Variants in SLC1A2 observed in about 807,000 individuals in gnomAD.
SLC1A2 encodes solute carrier family 1 member 2.
SLC1A2 carries 15 observed loss-of-function variants against 48.8 expected under a neutral mutation model. The ratio of observed to expected loss-of-function variants is 0.31; its 90% CI spans 0.21 to 0.47. The LOEUF (loss-of-function observed/expected upper bound fraction) is 0.47, where lower values mean the gene tolerates loss of function less well. SLC1A2 is among the 20% of genes least tolerant of loss of function. SLC1A2 has a pLI of 0.99. For synonymous variants in SLC1A2, 279 were observed against 272.6 expected, an observed-to-expected ratio of 1.02 and a Z score of -0.23; for missense variants, 502 against 730.5, an observed-to-expected ratio of 0.69 and a Z score of 3.61.
Position 35,258,932 on chromosome 11 carries a change from AAGACT to A in SLC1A2, c.*1957_*1961del, listed in dbSNP as rs1950352096. 1 of 144,524 alleles carries A rather than the reference AAGACT, an allele frequency of 6.9e-6. No homozygotes were observed. 9.0% of individuals were successfully genotyped at this position (144,524 alleles called of 1,614,324 possible). ...TGTACTCCAGCCTGAGCAACAGAGC[AAGACT>A]CTGTCTAAAAAAAAAAAAAAAAAAA... is the stretch of plus-strand genomic sequence containing the variant. On this transcript the variant is annotated 3_prime_UTR_variant, in exon 11 of 11. Transcript: ENST00000278379.
At chr11:35,270,487 C>T (rs1265815180) in intron 9 of SLC1A2, among the ~76,000 whole-genome samples, 1 of 152,214 alleles carries the variant, frequency 6.6e-6, no homozygotes, top group Non-Finnish European at 1.5e-5. Flanking sequence ...ATTTATTCAA[C>T]AGATGTTTAA....
chr11:35,292,610 G>A (rs1003955236), intron 6 of SLC1A2, 90 bp from the exon 7 acceptor site: 6 of 702,954 alleles, frequency 8.5e-6, no homozygotes, highest in Middle Eastern at 2.5e-4. Context: ...TGAGGAAAAC[G>A]CTTGGCTCTT....
At chr11:35,407,013 T>C (rs1396834898) in intron 1 of SLC1A2, among the ~76,000 whole-genome samples, 1 of 151,376 alleles carries the variant, frequency 6.6e-6, no homozygotes, top group African/African-American at 2.4e-5. Context: ...AGAGCATAAA[T>C]GATGAAGGGT....
rs1464319597 is a variant in SLC1A2 at position 35,253,614 on chromosome 11, AC to A, written c.*7279del. The A allele has an allele frequency of 1.3e-5, 2 of 152,656 alleles. No individual in the cohort carries two copies. The highest frequency in any genetic ancestry group is 2.9e-5 in the Non-Finnish European group (2 of 68,042). 9.5% of individuals were successfully genotyped at this position (152,656 alleles called of 1,614,324 possible). A position where few individuals can be genotyped will look rare whatever the true frequency, so the allele number is the denominator to read the frequency against. On this transcript the variant is annotated 3_prime_UTR_variant, in exon 11 of 11. Coordinates refer to ENST00000278379, the MANE Select transcript of SLC1A2 (RefSeq NM_004171.4). ...ATGAATTATTTAGATGTATATCCTCACCAGCTAAGGGATTTAAGCAATTCCT... is the reference window on the plus strand; with the variant it reads ...ATGAATTATTTAGATGTATATCCTCACAGCTAAGGGATTTAAGCAATTCCT...
intron 10 of SLC1A2, 122 bp from the exon 11 acceptor site, chr11:35,261,087 T>C (rs1314402928): frequency 1.4e-6 from 1 of 732,674 alleles, no homozygotes; most frequent in Non-Finnish European, 2.4e-6. Context: ...TAGTTTTAAA[T>C]GGAGTTCTTT....
rs374504230 is a variant in SLC1A2 at position 35,286,892 on chromosome 11, C to T, written c.1151G>A (p.Arg384His). Reference protein sequence around the residue: ...CLEENLGIDKRVTRFVLPVGA... With the variant: ...CLEENLGIDKHVTRFVLPVGA... ...AACAGGAAGGACGAATCTAGTCACACGCTTATCAATCCCCAGATTTTCTTC... is the reference window on the plus strand; with the variant it reads ...AACAGGAAGGACGAATCTAGTCACATGCTTATCAATCCCCAGATTTTCTTC... The change falls in exon 8 of 11, where the codon CGT becomes CAT. Residue 384 changes from arginine (R) to histidine (H), a missense_variant. Transcript: ENST00000278379. 34 of 1,613,940 alleles carry T rather than the reference C, an allele frequency of 2.1e-5. No homozygotes were observed. The highest frequency in any genetic ancestry group is 1.6e-4 in the Middle Eastern group (1 of 6,082).
At chr11:35,408,570 A>C (rs1855369747) in intron 1 of SLC1A2, among the ~76,000 whole-genome samples, 1 of 152,176 alleles carries the variant, frequency 6.6e-6, no homozygotes, top group Non-Finnish European at 1.5e-5. Context: ...GCCATGTGGA[A>C]CTGTAAGTCC....
chr11:35,418,713 AC>A, intron 1 of SLC1A2: 2 of 553,992 alleles, frequency 3.6e-6, no homozygotes, highest in South Asian at 4.4e-5. Context: ...AGCGCACCTT[AC>A]CCTTTTTATC....
intron 10 of SLC1A2, chr11:35,262,014 T>C (rs990462503): frequency 3.2e-6 from 1 of 315,146 alleles, no homozygotes; most frequent in African/African-American, 2.1e-5. Context: ...CTGATTAAAC[T>C]TGAAAACTAT....
At chr11:35,401,400 TTGA>T (rs1855136083) in intron 1 of SLC1A2, among the ~76,000 whole-genome samples, 1 of 152,262 alleles carries the variant, frequency 6.6e-6, no homozygotes, top group Non-Finnish European at 1.5e-5. Context: ...ATCCGTCATG[TTGA>T]TATCTTATTG....
chr11:35,369,203 C>T (rs1361582796), intron 1 of SLC1A2, among the ~76,000 whole-genome samples: 1 of 152,158 alleles, frequency 6.6e-6, no homozygotes, highest in Non-Finnish European at 1.5e-5. Flanking sequence ...CCAGAATAGA[C>T]TTTTTCCCCC....
In SLC1A2 at chr11:35,325,507, T is replaced by C. The variant is rs569559873; in HGVS notation, c.18-7991A>G. On this transcript the variant is annotated intron_variant, in intron 1 of 10. Coordinates refer to ENST00000278379, the MANE Select transcript of SLC1A2 (RefSeq NM_004171.4). The stretch of plus-strand genomic sequence containing the variant: ...AATTAGTTTATGTTGCCTGAAGGAA[T>C]GAATGAATGGATGATTAGGTTAAAA... Among the ~76,000 whole-genome samples, 13 of 152,334 alleles carry C rather than the reference T, an allele frequency of 8.5e-5. No homozygotes were observed. The South Asian group carries it at 2.3e-3, about 27-fold the overall frequency.
At chr11:35,415,851 A>T (rs1163981115) in intron 1 of SLC1A2, among the ~76,000 whole-genome samples, 6 of 152,134 alleles carry the variant, frequency 3.9e-5, no homozygotes, top group Non-Finnish European at 8.8e-5. Flanking sequence ...CTCCAAGAAG[A>T]TATTTCTAAA....
rs144096017 is a variant in SLC1A2, at chr11:35,266,375, A to C, written c.1422-617T>G. ...CCAGCCATAATTTTCTCATTGACCA[A>C]TATGTGTTATGACTACTTGTCCTGA... On this transcript the variant is annotated intron_variant, in intron 9 of 10. Transcript: ENST00000278379. Among the ~76,000 whole-genome samples, 769 of 152,298 alleles carry C rather than the reference A, an allele frequency of 5.0e-3. 5 individuals are homozygous for C. Among genetic ancestry groups the C allele is most frequent in the African/African-American group, 0.018 (748 of 41,552 alleles).
At chr11:35,324,465 T>C (rs904074258) in intron 1 of SLC1A2, among the ~76,000 whole-genome samples, 2 of 152,254 alleles carry the variant, frequency 1.3e-5, no homozygotes, top group African/African-American at 4.8e-5. Context: ...TCCAGTGAGA[T>C]GATATCTATG....
chr11:35,335,093 T>C (rs928923531), intron 1 of SLC1A2, among the ~76,000 whole-genome samples: 1 of 152,144 alleles, frequency 6.6e-6, no homozygotes, highest in African/African-American at 2.4e-5. Flanking sequence ...ATAACATTCT[T>C]CAATATTTCT....
chr11:35,358,184 T>C (rs552292287), intron 1 of SLC1A2, among the ~76,000 whole-genome samples: 15 of 152,020 alleles, frequency 9.9e-5, no homozygotes, highest in African/African-American at 3.4e-4. Context: ...AAAACAGATA[T>C]AAAGTATGTA....
intron 1 of SLC1A2, among the ~76,000 whole-genome samples, chr11:35,356,307 G>T (rs1853459529): frequency 6.6e-6 from 1 of 152,196 alleles, no homozygotes; most frequent in African/African-American, 2.4e-5. Context: ...GTTATGGGCA[G>T]GTGTGTGTTT....
intron 1 of SLC1A2, among the ~76,000 whole-genome samples, chr11:35,389,690 G>C (rs888284131): frequency 6.6e-6 from 1 of 152,052 alleles, no homozygotes; most frequent in African/African-American, 2.4e-5. Flanking sequence ...GGCTGGTCTT[G>C]AACTCCTGAA....
Sources: allele counts gnomAD v4.1 joint callset (sites outside exome capture counted in the v4.1 genomes callset), GRCh38; gene constraint gnomAD v4.1.1; transcripts MANE v1.5; gene names NCBI Gene and HGNC (gene_info 2026-07-23, HGNC 2026-07-21).